The following LHFPL3 variants were observed in gnomAD, a reference collection of about 807,000 sequenced individuals.
The protein encoded by LHFPL3 is LHFPL tetraspan subfamily member 3 protein.
A neutral mutation model predicts 19.3 loss-of-function variants in LHFPL3; 5 were observed. The observed-to-expected ratio is 0.26, with a 90% CI of 0.14 to 0.54. The LOEUF (loss-of-function observed/expected upper bound fraction) is 0.54, where lower values mean the gene tolerates loss of function less well. Ranked by LOEUF, LHFPL3 falls within the 20% of genes least tolerant of loss-of-function variation. The pLI, the probability that LHFPL3 is intolerant of heterozygous loss-of-function variation, is 0.94. For synonymous variants in LHFPL3, 133 were observed against 126.2 expected, an observed-to-expected ratio of 1.05 and a Z score of -0.36; for missense variants, 249 against 307.4, an observed-to-expected ratio of 0.81 and a Z score of 1.42.
chr7:104,488,749 A>C (rs1269406520), intron 1 of LHFPL3, among the ~76,000 whole-genome samples: 2 of 152,238 alleles, frequency 1.3e-5, no homozygotes, highest in Non-Finnish European at 2.9e-5. Context: ...ATGCAGGGTC[A>C]AGGAATCACA....
intron 1 of LHFPL3, among the ~76,000 whole-genome samples, chr7:104,693,552 G>GT (rs1273609519): frequency 6.6e-6 from 1 of 152,086 alleles, no homozygotes; most frequent in Non-Finnish European, 1.5e-5. Context: ...ACATCCGATG[G>GT]TTTTATGAAG....
At chr7:104,882,867 G>A (rs181977076) in intron 2 of LHFPL3, among the ~76,000 whole-genome samples, 14 of 152,276 alleles carry the variant, frequency 9.2e-5, no homozygotes, top group Non-Finnish European at 4.4e-5. Context: ...CCTGAAGATG[G>A]GGGAAGGGTA....
intron 2 of LHFPL3, among the ~76,000 whole-genome samples, chr7:104,876,190 T>C (rs910716334): frequency 6.6e-6 from 1 of 152,116 alleles, no homozygotes; most frequent in Non-Finnish European, 1.5e-5. Flanking sequence ...GAAGAAAACC[T>C]AGGCAATACC....
intron 2 of LHFPL3, among the ~76,000 whole-genome samples, chr7:104,860,866 T>C (rs1584581780): frequency 6.6e-6 from 1 of 152,202 alleles, no homozygotes; most frequent in African/African-American, 2.4e-5. Context: ...ACATAGAGTG[T>C]GCTAAGAATC....
chr7:104,534,233 C>T (rs1458502170), intron 1 of LHFPL3, among the ~76,000 whole-genome samples: 1 of 152,170 alleles, frequency 6.6e-6, no homozygotes, highest in Admixed American at 6.5e-5. Flanking sequence ...CAACCCTGAT[C>T]TCTCATCAGA....
At chr7:104,508,376 G>A (rs917264563) in intron 1 of LHFPL3, among the ~76,000 whole-genome samples, 291 of 133,250 alleles carry the variant, frequency 2.2e-3, no homozygotes, top group African/African-American at 2.2e-3. Flanking sequence ...ACCAAACACC[G>A]CATATTCTCA....
intron 1 of LHFPL3, among the ~76,000 whole-genome samples, chr7:104,485,459 A>G (rs960803645): frequency 5.3e-5 from 8 of 152,048 alleles, no homozygotes; most frequent in African/African-American, 1.7e-4. Context: ...ATTGGCATCC[A>G]TAAGTTATAT....
chr7:104,468,813 C>T (rs1187053576), intron 1 of LHFPL3, among the ~76,000 whole-genome samples: 1 of 151,956 alleles, frequency 6.6e-6, no homozygotes, highest in African/African-American at 2.4e-5. Flanking sequence ...TGCCTGCCAC[C>T]ACACCCAGCC....
chr7:104,343,976 G>C (rs997803677), intron 1 of LHFPL3, among the ~76,000 whole-genome samples: 40 of 152,066 alleles, frequency 2.6e-4, no homozygotes, highest in Non-Finnish European at 5.1e-4. Flanking sequence ...TCACCATTTA[G>C]AATGACATAT....
intron 2 of LHFPL3, chr7:104,785,769 G>C (rs190638670): frequency 1.3e-5 from 2 of 152,282 alleles, no homozygotes; most frequent in African/African-American, 2.4e-5. Flanking sequence ...CTCCACACTA[G>C]TGTCAGATTT....
intron 1 of LHFPL3, among the ~76,000 whole-genome samples, 187 bp from the exon 2 acceptor site, chr7:104,736,488 C>A (rs541177681): frequency 2.7e-5 from 4 of 149,260 alleles, no homozygotes; most frequent in Non-Finnish European, 5.9e-5. Context: ...GCAACACACA[C>A]ACGTGCACGT....
At chr7:104,350,128 A>G (rs1277133821) in intron 1 of LHFPL3, among the ~76,000 whole-genome samples, 2 of 152,200 alleles carry the variant, frequency 1.3e-5, no homozygotes, top group Non-Finnish European at 1.5e-5. Context: ...ATACAGCTAC[A>G]ACTATCCAGT....
At chr7:104,724,076 C>T (rs1003062091) in intron 1 of LHFPL3, among the ~76,000 whole-genome samples, 2 of 152,198 alleles carry the variant, frequency 1.3e-5, no homozygotes, top group Non-Finnish European at 2.9e-5. Flanking sequence ...TTGACTGAGG[C>T]ATTAGCCTAG....
At chr7:104,828,464 C>T (rs921231812) in intron 2 of LHFPL3, among the ~76,000 whole-genome samples, 1 of 151,992 alleles carries the variant, frequency 6.6e-6, no homozygotes, top group Non-Finnish European at 1.5e-5. Flanking sequence ...TTCCTCTGGT[C>T]TCTTGTCTGA....
chr7:104,523,757 A>G (rs1373914079), intron 1 of LHFPL3, among the ~76,000 whole-genome samples: 3 of 152,232 alleles, frequency 2.0e-5, no homozygotes, highest in Non-Finnish European at 2.9e-5. Flanking sequence ...ACACAATAAA[A>G]GTCCAAGGAA....
At chr7:104,346,653 GTA>G (rs1790072534) in intron 1 of LHFPL3, among the ~76,000 whole-genome samples, 1 of 148,916 alleles carries the variant, frequency 6.7e-6, no homozygotes, top group South Asian at 2.2e-4. Flanking sequence ...AGTGACACAC[GTA>G]TGTAGTGTAG....
At position 104,605,129 on chromosome 7, in the gene LHFPL3, A is replaced by C. The variant is rs148621459; in HGVS notation, c.446-131546A>C. Among the ~76,000 whole-genome samples, 104 of 152,360 alleles carry C rather than the reference A, an allele frequency of 6.8e-4. 1 individual carries two copies. The highest frequency in any genetic ancestry group is 2.3e-3 in the South Asian group (11 of 4,826). On this transcript the variant is annotated intron_variant, in intron 1 of 2. Transcript: ENST00000424859. ...TGATCTAGGTTTATGTAGTCTAAACACAACAAATGTATTTTTTAATCCACG... is the reference window on the plus strand; with the variant it reads ...TGATCTAGGTTTATGTAGTCTAAACCCAACAAATGTATTTTTTAATCCACG...
At chr7:104,660,796 T>C (rs954338576) in intron 1 of LHFPL3, among the ~76,000 whole-genome samples, 1 of 152,214 alleles carries the variant, frequency 6.6e-6, no homozygotes, top group Admixed American at 6.5e-5. Context: ...GCATCAATAT[T>C]CATTTTGCAT....
intron 1 of LHFPL3, among the ~76,000 whole-genome samples, chr7:104,628,955 A>G (rs1421876775): frequency 6.6e-6 from 1 of 152,230 alleles, no homozygotes; most frequent in Non-Finnish European, 1.5e-5. Flanking sequence ...CACTGGTCCT[A>G]TCAAACATTA....
Sources: allele counts gnomAD v4.1 joint callset (sites outside exome capture counted in the v4.1 genomes callset), GRCh38; gene constraint gnomAD v4.1.1; transcripts MANE v1.5; gene names NCBI Gene and HGNC (gene_info 2026-07-23, HGNC 2026-07-21).